Variants in SCAF8 observed in about 807,000 individuals in gnomAD.
The protein encoded by SCAF8 is SR-related CTD associated factor 8, also known as SR-related and CTD-associated factor 8.
SCAF8 carries 23 observed loss-of-function variants against 140.5 expected under a neutral mutation model. The ratio of observed to expected loss-of-function variants is 0.16; its 90% confidence interval spans 0.12 to 0.23. SCAF8 has a LOEUF of 0.23. Ranked by LOEUF, SCAF8 falls within the 10% of genes least tolerant of loss-of-function variation. The probability of loss-of-function intolerance (pLI) is 1.00; values close to 1 mark genes in which losing one functional copy is unlikely to be tolerated. For missense variants in SCAF8, 1,397 were observed against 1,555.7 expected (o/e 0.90, Z 1.72); for synonymous variants, 575 against 528.9 (o/e 1.09, Z -1.20).
intron 1 of SCAF8, among the ~76,000 whole-genome samples, chr6:154,740,238 G>C (rs1778532836): frequency 1.3e-5 from 2 of 152,134 alleles, no homozygotes; most frequent in Non-Finnish European, 2.9e-5. Flanking sequence ...TTTTGGGCTG[G>C]ATACTTGTTT....
intron 18 of SCAF8, among the ~76,000 whole-genome samples, chr6:154,828,905 T>C (rs1778647529): frequency 6.6e-6 from 1 of 152,226 alleles, no homozygotes; most frequent in Non-Finnish European, 1.5e-5. Flanking sequence ...TGCTTTTCAT[T>C]TTCATACAAT....
intron 1 of SCAF8, among the ~76,000 whole-genome samples, chr6:154,760,001 C>T (rs562833231): frequency 9.2e-5 from 14 of 151,466 alleles, no homozygotes; most frequent in Admixed American, 6.6e-4. Context: ...TTTAAAAAAT[C>T]AAATTCTGGG....
At chr6:154,827,364 A>T in intron 18 of SCAF8, 124 bp downstream of exon 18, 1 of 661,898 alleles carries the variant, frequency 1.5e-6, no homozygotes, top group African/African-American at 1.9e-5. Context: ...AATGCATGTT[A>T]GATAATTTCT....
chr6:154,753,381 C>A (rs551141350), intron 1 of SCAF8, among the ~76,000 whole-genome samples: 15 of 152,232 alleles, frequency 9.9e-5, no homozygotes, highest in Non-Finnish European at 1.6e-4. Flanking sequence ...TCAGGAGAAT[C>A]GCTTGAACCT....
chr6:154,785,312 A>C (rs1247364616), intron 3 of SCAF8, among the ~76,000 whole-genome samples: 2 of 152,238 alleles, frequency 1.3e-5, no homozygotes, highest in Non-Finnish European at 2.9e-5. Context: ...TAATATTTAC[A>C]TATGTAAGGT....
intron 12 of SCAF8, among the ~76,000 whole-genome samples, chr6:154,810,493 A>G (rs1403533830): frequency 1.4e-5 from 2 of 147,830 alleles, no homozygotes. Context: ...TGGTATCTGT[A>G]GCATGGACAC....
At chr6:154,791,464 A>C (rs1296763740) in intron 4 of SCAF8, among the ~76,000 whole-genome samples, 1 of 152,206 alleles carries the variant, frequency 6.6e-6, no homozygotes, top group Non-Finnish European at 1.5e-5. Context: ...CTATAAGAAG[A>C]GCTGTAACAA....
At chr6:154,785,144 G>A (rs780105584) in intron 3 of SCAF8, among the ~76,000 whole-genome samples, 1 of 152,122 alleles carries the variant, frequency 6.6e-6, no homozygotes. Flanking sequence ...TCAACATCAT[G>A]TGTCTAGGAT....
rs777333907 is a variant in SCAF8, at chr6:154,832,635, C to T, written c.3056C>T (p.Pro1019Leu). The change falls in exon 20 of 20, where the codon CCT becomes CTT. Residue 1019 changes from proline to leucine, a missense_variant. Pro to Leu is a moderately conservative substitution (Grantham distance 98). Transcript: ENST00000367178. ...GAAGGAGATAGAGATTACCGGTTTC[C>T]TCCTATAGAAACCAGGGAAAGCATT... ...QQEGDRDYRF[P>L]PIETRESISR... 2 of 1,613,966 alleles carry T rather than the reference C, an allele frequency of 1.2e-6. No homozygotes were observed. The highest frequency in any genetic ancestry group is 8.5e-7 in the Non-Finnish European group (1 of 1,179,942).
intron 17 of SCAF8, 76 bp downstream of exon 17, chr6:154,824,454 C>T: frequency 7.4e-7 from 1 of 1,351,020 alleles, no homozygotes; most frequent in Non-Finnish European, 1.0e-6. Context: ...GATTTAAGTA[C>T]CATAGAGCAG....
At chr6:154,796,980 C>CAA (rs761510703) in intron 6 of SCAF8, among the ~76,000 whole-genome samples, 2,637 of 133,718 alleles carry the variant, frequency 0.02, 34 homozygotes, top group Non-Finnish European at 0.03. Flanking sequence ...ACAAAAATCT[C>CAA]AAAAAAAAAA....
chr6:154,827,861 T>G (rs1178594959), intron 18 of SCAF8, among the ~76,000 whole-genome samples: 1 of 151,716 alleles, frequency 6.6e-6, no homozygotes, highest in African/African-American at 2.4e-5. Context: ...TAAAACTTTA[T>G]TTTTTAGAGC....
intron 1 of SCAF8, among the ~76,000 whole-genome samples, chr6:154,736,015 G>C (rs1427586267): frequency 6.6e-6 from 1 of 151,844 alleles, no homozygotes; most frequent in Non-Finnish European, 1.5e-5. Context: ...TTATAGAGAG[G>C]AGGTCTTGTT....
At chr6:154,784,093 T>G (rs1364438917) in intron 3 of SCAF8, among the ~76,000 whole-genome samples, 1 of 145,292 alleles carries the variant, frequency 6.9e-6, no homozygotes, top group African/African-American at 2.5e-5. Flanking sequence ...AGATGGCTGT[T>G]ATATTTACTT....
chr6:154,798,799 GT>G (rs1407390348), intron 6 of SCAF8, among the ~76,000 whole-genome samples: 1 of 150,978 alleles, frequency 6.6e-6, no homozygotes, highest in Non-Finnish European at 1.5e-5. Context: ...AGCCCAAGAT[GT>G]TTTGTTTGTT....
intron 1 of SCAF8, among the ~76,000 whole-genome samples, chr6:154,764,030 G>C (rs1177960521): frequency 2.6e-5 from 4 of 152,176 alleles, no homozygotes; most frequent in Admixed American, 1.3e-4. Flanking sequence ...TAAGTTTTGT[G>C]ATGGAGTAGC....
intron 6 of SCAF8, 35 bp from the exon 7 acceptor site, chr6:154,801,929 AACCCAAC>A: frequency 6.8e-7 from 1 of 1,461,132 alleles, no homozygotes; most frequent in Non-Finnish European, 9.2e-7. Flanking sequence ...TTACAGAAAA[AACCCAAC>A]ACCTGTTTTG....
At chr6:154,799,076 G>T (rs1299643888) in intron 6 of SCAF8, among the ~76,000 whole-genome samples, 1 of 150,574 alleles carries the variant, frequency 6.6e-6, no homozygotes, top group Non-Finnish European at 1.5e-5. Flanking sequence ...TCCGCCTCCC[G>T]GAGTGATTCT....
At chr6:154,789,544 ATTTTTTT>A (rs905985637) in intron 4 of SCAF8, among the ~76,000 whole-genome samples, 71 of 136,828 alleles carry the variant, frequency 5.2e-4, no homozygotes, top group African/African-American at 1.9e-3. Context: ...AATGCTTCTA[ATTTTTTT>A]TTTTTTTTTT....
Sources: allele counts gnomAD v4.1 joint callset (sites outside exome capture counted in the v4.1 genomes callset), GRCh38; gene constraint gnomAD v4.1.1; transcripts MANE v1.5; gene names NCBI Gene and HGNC (gene_info 2026-07-23, HGNC 2026-07-21).